The following JAK2 variants were observed in gnomAD, a reference collection of about 807,000 sequenced individuals.
The protein encoded by JAK2 is tyrosine-protein kinase JAK2.
JAK2 carries 86 observed loss-of-function variants against 139.3 expected under a neutral mutation model. That is an observed-to-expected ratio of 0.62 (90% CI 0.52 to 0.74). The LOEUF (loss-of-function observed/expected upper bound fraction) is 0.74. Among genes scored for constraint, JAK2 ranks in the 30% least tolerant of loss-of-function variants. The pLI is 0.00. For synonymous variants in JAK2, 490 were observed against 437.7 expected (o/e 1.12, Z -1.49); for missense variants, 1,421 against 1,360.3 (o/e 1.04, Z -0.70).
intron 14 of JAK2, among the ~76,000 whole-genome samples, chr9:5,074,900 G>A (rs1819208393): frequency 6.6e-6 from 1 of 152,152 alleles, no homozygotes; most frequent in African/African-American, 2.4e-5. Flanking sequence ...CACTAAAAAG[G>A]CAAGTTATGA....
At chr9:5,024,754 C>T (rs1822669107) in intron 3 of JAK2, among the ~76,000 whole-genome samples, 1 of 152,172 alleles carries the variant, frequency 6.6e-6, no homozygotes, top group African/African-American at 2.4e-5. Flanking sequence ...AGCTGCTTTT[C>T]TGCCCTGAGA....
chr9:5,024,936 CTT>C lies in JAK2; in HGVS notation c.226+2725_226+2726del, dbSNP rs531435494. On this transcript the variant is annotated intron_variant, in intron 3 of 24. Transcript: ENST00000381652. The stretch of plus-strand genomic sequence containing the variant: ...GGAGCACCAATTGCCATCTTCAAGA[CTT>C]TGCTTAACTAGGGGGAGTGGAGCCG... 2.4e-3 allele frequency among the ~76,000 whole-genome samples: 359 copies of C among 152,304 alleles called. 2 individuals carry two copies. The highest frequency in any genetic ancestry group is 8.2e-3 in the African/African-American group (341 of 41,550).
At chr9:5,040,192 A>G (rs1816379292) in intron 4 of JAK2, among the ~76,000 whole-genome samples, 1 of 152,154 alleles carries the variant, frequency 6.6e-6, no homozygotes. Flanking sequence ...TGCCAAGACA[A>G]TTCATGGGCA....
At chr9:5,084,870 C>T (rs1276212127) in intron 19 of JAK2, 6 of 387,540 alleles carry the variant, frequency 1.5e-5, no homozygotes, top group Non-Finnish European at 3.0e-5. Context: ...AACAAATTGC[C>T]CATCAATAAG....
At chr9:5,036,661 G>A (rs1176835898) in intron 4 of JAK2, among the ~76,000 whole-genome samples, 3 of 152,212 alleles carry the variant, frequency 2.0e-5, no homozygotes, top group Non-Finnish European at 4.4e-5. Context: ...CTAGCCATGT[G>A]TAGAAAGCTG....
rs1190179338 is a variant in JAK2, at chr9:5,061,930, T to C, written c.1057-2953T>C. Among the ~76,000 whole-genome samples the C allele has an allele frequency of 3.9e-5, 6 of 152,202 alleles. No individual in the cohort carries two copies. In the South Asian group the frequency reaches 6.2e-4, roughly 16 times the overall value. On this transcript the variant is annotated intron_variant, in intron 8 of 24. Transcript: ENST00000381652. Reference sequence around the variant, plus strand: ...ATTATTAATTGGCCTAATTTCATTATTGTTGTGTCTGAGGGAATAGGGAGG... The same window carrying C: ...ATTATTAATTGGCCTAATTTCATTACTGTTGTGTCTGAGGGAATAGGGAGG...
chr9:5,091,079 G>C (rs185117964), intron 22 of JAK2, 168 bp downstream of exon 22: 84 of 508,686 alleles, frequency 1.7e-4, no homozygotes, highest in Non-Finnish European at 2.2e-4. Flanking sequence ...CATGGTTATA[G>C]TCCACGTGGG....
chr9:5,099,426 C>T (rs1301541461), intron 22 of JAK2: 1 of 152,210 alleles, frequency 6.6e-6, no homozygotes, highest in Non-Finnish European at 1.5e-5. Context: ...GATACTTCCA[C>T]ATGATCCATT....
chr9:5,085,397 G>T (rs748360253), intron 19 of JAK2: 4 of 823,276 alleles, frequency 4.9e-6, no homozygotes, highest in Admixed American at 1.7e-5. Flanking sequence ...GGGCATCCTA[G>T]AACAGAGACT....
At chr9:5,104,577 C>A (rs530964839) in intron 22 of JAK2, among the ~76,000 whole-genome samples, 38 of 152,018 alleles carry the variant, frequency 2.5e-4, no homozygotes, top group Non-Finnish European at 5.3e-4. Context: ...AGCATCAGCC[C>A]GATACCAAAG....
chr9:5,118,857 G>A (rs777824284), intron 22 of JAK2, among the ~76,000 whole-genome samples: 1 of 152,104 alleles, frequency 6.6e-6, no homozygotes, highest in Non-Finnish European at 1.5e-5. Context: ...TAAAAGCAGA[G>A]AATTAAAACC....
In JAK2 at chr9:5,128,213, A is replaced by G; in HGVS notation, c.*1422A>G. 1 of 231,586 alleles carries G rather than the reference A, an allele frequency of 4.3e-6. No individual in the cohort carries two copies. The highest frequency in any genetic ancestry group is 8.6e-6 in the Non-Finnish European group (1 of 116,920). 14.3% of individuals were successfully genotyped at this position (231,586 alleles called of 1,614,324 possible). A position where few individuals can be genotyped will look rare whatever the true frequency, so the allele number is the denominator to read the frequency against. ...TACTGGTATGTTCTACTTTTTTGAA[A>G]GTTGTACTGAAGACTTCTGATTTTG... On this transcript the variant is annotated 3_prime_UTR_variant, in exon 25 of 25. Transcript: ENST00000381652.
At chr9:5,028,329 G>C (rs966558870) in intron 3 of JAK2, among the ~76,000 whole-genome samples, 3 of 152,106 alleles carry the variant, frequency 2.0e-5, no homozygotes, top group Admixed American at 1.3e-4. Context: ...AGGTCTCAAC[G>C]GTGGCTTAAA....
At chr9:5,024,365 G>C (rs950067507) in intron 3 of JAK2, among the ~76,000 whole-genome samples, 2 of 152,094 alleles carry the variant, frequency 1.3e-5, no homozygotes, top group Non-Finnish European at 2.9e-5. Context: ...AGGGCCAAAA[G>C]AAAATAATAG....
intron 9 of JAK2, among the ~76,000 whole-genome samples, chr9:5,066,031 A>C (rs1818544859): frequency 6.6e-6 from 1 of 152,142 alleles, no homozygotes; most frequent in African/African-American, 2.4e-5. Flanking sequence ...AATTCATTCA[A>C]ACATTCTTTT....
At chr9:5,085,648 T>C (rs539261334) in intron 19 of JAK2, 1 of 723,720 alleles carries the variant, frequency 1.4e-6, no homozygotes, top group Non-Finnish European at 2.6e-6. Context: ...ACCCCAGATC[T>C]TGTGTGTTTT....
chr9:5,091,631 G>A (rs1232018956), intron 22 of JAK2: 1 of 152,094 alleles, frequency 6.6e-6, no homozygotes, highest in Non-Finnish European at 1.5e-5. Flanking sequence ...TAGAGTTTAG[G>A]CCTTTTTGGT....
intron 12 of JAK2, among the ~76,000 whole-genome samples, chr9:5,071,806 A>C (rs1209099334): frequency 2.0e-5 from 3 of 152,332 alleles, no homozygotes; most frequent in African/African-American, 4.8e-5. Context: ...TAACATTACA[A>C]ATCTAATAAA....
intron 2 of JAK2, among the ~76,000 whole-genome samples, chr9:5,014,510 A>C (rs1821920442): frequency 6.6e-6 from 1 of 152,178 alleles, no homozygotes; most frequent in African/African-American, 2.4e-5. Context: ...GCAAAATCAT[A>C]ATCTAATCTA....
Sources: gnomAD v4.1 joint callset for allele counts (sites outside exome capture counted in the v4.1 genomes callset) on GRCh38, gnomAD v4.1.1 for gene constraint, MANE v1.5 for transcripts, NCBI Gene and HGNC (gene_info 2026-07-23, HGNC 2026-07-21) for gene names.